Variants in NTRK2 observed in about 807,000 individuals in gnomAD.
NTRK2 encodes the protein BDNF/NT-3 growth factors receptor.
A neutral mutation model predicts 94.5 loss-of-function variants in NTRK2; 13 were observed. The ratio of observed to expected loss-of-function variants is 0.14; its 90% confidence interval spans 0.09 to 0.22. The LOEUF is 0.22. NTRK2 is among the 10% of genes least tolerant of loss of function. NTRK2 has a pLI of 1.00. For missense variants in NTRK2, 639 were observed against 1,071.2 expected (o/e 0.60, Z 5.63); for synonymous variants, 372 against 407.4 (o/e 0.91, Z 1.05).
intron 17 of NTRK2, among the ~76,000 whole-genome samples, chr9:85,012,348 T>C (rs1382075500): frequency 6.6e-6 from 1 of 152,166 alleles, no homozygotes; most frequent in East Asian, 1.9e-4. Context: ...TAATTCACCC[T>C]TTTCAGTACA....
At position 84,964,659 on chromosome 9, in the gene NTRK2, A is replaced by C. The variant is rs963991849; in HGVS notation, c.2172+9142A>C. 3.3e-5 allele frequency among the ~76,000 whole-genome samples: 5 copies of C among 151,936 alleles called. No homozygotes were observed. The East Asian group carries it at 9.7e-4, about 29-fold the overall frequency. ...CTCCCCAACTTAGGGAGCTTGTTGG[A>C]CTCTTGGGCTCCCCACTCTGTCTTT... On this transcript the variant is annotated intron_variant, in intron 17 of 18. Coordinates refer to ENST00000277120, the MANE Select transcript of NTRK2 (RefSeq NM_006180.6).
At chr9:84,804,349 G>A (rs545133753) in intron 12 of NTRK2, among the ~76,000 whole-genome samples, 38 of 151,742 alleles carry the variant, frequency 2.5e-4, no homozygotes, top group African/African-American at 7.5e-4. Flanking sequence ...AATCATTATC[G>A]TCATCCTCAC....
intron 2 of NTRK2, among the ~76,000 whole-genome samples, chr9:84,691,264 T>A (rs982204751): frequency 6.6e-6 from 1 of 152,176 alleles, no homozygotes; most frequent in Non-Finnish European, 1.5e-5. Flanking sequence ...AGAAGTAGCT[T>A]TCATTTTCTT....
chr9:84,744,731 G>A (rs1463514657), intron 10 of NTRK2, among the ~76,000 whole-genome samples: 1 of 152,098 alleles, frequency 6.6e-6, no homozygotes, highest in Non-Finnish European at 1.5e-5. Context: ...CAGGTTTGGG[G>A]CTGACCAACA....
At chr9:84,903,220 T>C (rs1238350690) in intron 14 of NTRK2, among the ~76,000 whole-genome samples, 3 of 152,224 alleles carry the variant, frequency 2.0e-5, no homozygotes, top group African/African-American at 7.2e-5. Flanking sequence ...TTGGTGCTTG[T>C]GGTGCTATTG....
intron 12 of NTRK2, among the ~76,000 whole-genome samples, chr9:84,781,562 G>A (rs1033295027): frequency 6.6e-6 from 1 of 152,052 alleles, no homozygotes; most frequent in African/African-American, 2.4e-5. Context: ...AGTCATTTCA[G>A]TATAACATTC....
intron 17 of NTRK2, among the ~76,000 whole-genome samples, chr9:84,997,574 GA>G (rs1829894433): frequency 6.6e-6 from 1 of 152,182 alleles, no homozygotes; most frequent in Admixed American, 6.5e-5. Flanking sequence ...TGAGCTGTGA[GA>G]TAGGGGTACT....
chr9:85,023,200 G>T lies in NTRK2; in HGVS notation c.*1763G>T, dbSNP rs200186375. 3.4e-5 allele frequency: 8 copies of T among 232,900 alleles called. No individual in the cohort carries two copies. Among genetic ancestry groups the T allele is most frequent in the Non-Finnish European group, 6.8e-5 (8 of 117,900 alleles). 14.4% of individuals were successfully genotyped at this position (232,900 alleles called of 1,614,324 possible). A position where few individuals can be genotyped will look rare whatever the true frequency, so the allele number is the denominator to read the frequency against. On this transcript the variant is annotated 3_prime_UTR_variant, in exon 19 of 19. Coordinates refer to ENST00000277120, the MANE Select transcript of NTRK2 (RefSeq NM_006180.6). ...TTGAATGGTCAGATATACCAAGAAA[G>T]AAAAATATTTCTGTTCCTCAAGAAA...
rs535788477 is a variant in NTRK2 at position 84,976,008 on chromosome 9, T to C, written c.2172+20491T>C. On this transcript the variant is annotated intron_variant, in intron 17 of 18. Transcript: ENST00000277120. ...TGAGAGGGCTGCCTGACAAGAGCTC[T>C]GCCTTTTGGTAGAAGGACATAGCTA... Among the ~76,000 whole-genome samples, 3 of 152,280 alleles carry C rather than the reference T, an allele frequency of 2.0e-5. 1 individual carries two copies. In the South Asian group the frequency reaches 6.2e-4, roughly 32 times the overall value.
chr9:84,764,300 C>G (rs1430081899), intron 12 of NTRK2, among the ~76,000 whole-genome samples: 2 of 152,178 alleles, frequency 1.3e-5, no homozygotes, highest in African/African-American at 4.8e-5. Flanking sequence ...AAAACTTGAA[C>G]CTACTGGGCT....
intron 12 of NTRK2, among the ~76,000 whole-genome samples, chr9:84,806,498 A>T (rs2071128157): frequency 6.6e-6 from 1 of 152,196 alleles, no homozygotes; most frequent in African/African-American, 2.4e-5. Flanking sequence ...ACCAGGACCT[A>T]AATTTATATA....
intron 14 of NTRK2, among the ~76,000 whole-genome samples, chr9:84,905,275 GGT>G (rs58470162): frequency 0.67 from 99,356 of 147,744 alleles, 33,278 homozygotes; most frequent in South Asian, 0.8. Context: ...GGTTTTAGAG[GGT>G]GTGTGTGTGT....
chr9:85,024,464 A>G lies in NTRK2; in HGVS notation c.*3027A>G. ...TTTCCAAACACTTTCCATGTGTGTT[A>G]GCAAATTATTCCTATTTTGTGTAGA... On this transcript the variant is annotated 3_prime_UTR_variant, in exon 19 of 19. Transcript: ENST00000277120. The G allele has an allele frequency of 1.3e-5, 3 of 233,030 alleles. No homozygotes were observed. Among genetic ancestry groups the G allele is most frequent in the Non-Finnish European group, 2.5e-5 (3 of 117,888 alleles). The allele number at this position is 233,030 out of a possible 1,614,324, so 14.4% of individuals were successfully genotyped here.
chr9:84,809,241 A>G (rs1036996158), intron 12 of NTRK2, among the ~76,000 whole-genome samples: 12 of 152,004 alleles, frequency 7.9e-5, no homozygotes, highest in Non-Finnish European at 1.3e-4. Context: ...TATTGAGCAA[A>G]TTATTTACTC....
At chr9:84,776,407 A>G (rs1455967387) in intron 12 of NTRK2, among the ~76,000 whole-genome samples, 1 of 152,112 alleles carries the variant, frequency 6.6e-6, no homozygotes, top group Non-Finnish European at 1.5e-5. Context: ...TTTTTAGTAG[A>G]GATGGAGTTT....
intron 6 of NTRK2, among the ~76,000 whole-genome samples, chr9:84,712,451 T>C (rs959575185): frequency 5.9e-5 from 9 of 152,220 alleles, no homozygotes; most frequent in African/African-American, 2.2e-4. Flanking sequence ...AGGTTTTGAA[T>C]CTACTGTAAT....
intron 12 of NTRK2, among the ~76,000 whole-genome samples, chr9:84,829,135 A>T (rs977566518): frequency 1.3e-5 from 2 of 152,042 alleles, no homozygotes; most frequent in African/African-American, 4.8e-5. Context: ...AGTAGCTGGG[A>T]TTACAGGCGG....
At chr9:84,907,676 A>G (rs992746265) in intron 14 of NTRK2, among the ~76,000 whole-genome samples, 3 of 147,250 alleles carry the variant, frequency 2.0e-5, no homozygotes, top group Admixed American at 1.4e-4. Context: ...CTTCGGAGGC[A>G]TTACTCTTCT....
chr9:84,683,996 T>G (rs2059553766), intron 2 of NTRK2, among the ~76,000 whole-genome samples: 2 of 152,284 alleles, frequency 1.3e-5, no homozygotes, highest in South Asian at 4.1e-4. Flanking sequence ...ATAAACGTCT[T>G]GTTTTGAGAA....
Sources: allele counts gnomAD v4.1 joint callset (sites outside exome capture counted in the v4.1 genomes callset), GRCh38; gene constraint gnomAD v4.1.1; transcripts MANE v1.5; gene names NCBI Gene and HGNC (gene_info 2026-07-23, HGNC 2026-07-21).